SMAD5: variants seen among roughly 807,000 people sequenced by gnomAD.
SMAD5 encodes the protein SMAD family member 5, also known as MAD, mothers against decapentaplegic homolog 5.
SMAD5 carries 9 observed loss-of-function variants against 43.1 expected under a neutral mutation model. The ratio of observed to expected loss-of-function variants is 0.21; its 90% CI spans 0.13 to 0.36. The LOEUF (loss-of-function observed/expected upper bound fraction) is 0.36. Among genes scored for constraint, SMAD5 ranks in the 10% least tolerant of loss-of-function variants. The pLI, the probability that SMAD5 is intolerant of heterozygous loss-of-function variation, is 1.00. For missense variants in SMAD5, 348 were observed against 574.0 expected (o/e 0.61, Z 4.02); for synonymous variants, 190 against 192.4 (o/e 0.99, Z 0.10).
At chr5:136,162,702 A>G (rs1005161780) in intron 4 of SMAD5, among the ~76,000 whole-genome samples, 3 of 152,194 alleles carry the variant, frequency 2.0e-5, no homozygotes, top group Admixed American at 6.5e-5. Flanking sequence ...AAGATTTTCT[A>G]GTTAACATTT....
chr5:136,152,861 T>C (rs1368409491), intron 2 of SMAD5: 5 of 152,116 alleles, frequency 3.3e-5, no homozygotes, highest in Admixed American at 6.6e-5. Flanking sequence ...GAACAGTGGT[T>C]TACCTGGAGC....
intron 5 of SMAD5, among the ~76,000 whole-genome samples, chr5:136,168,288 G>A (rs1754087418): frequency 6.6e-6 from 1 of 152,140 alleles, no homozygotes. Flanking sequence ...ATATTAATGA[G>A]TTTGGCCAGT....
chr5:136,161,630 T>A (rs1753828715), intron 4 of SMAD5, among the ~76,000 whole-genome samples: 1 of 152,220 alleles, frequency 6.6e-6, no homozygotes, highest in Admixed American at 6.5e-5. Context: ...TGAATCCTGG[T>A]TATCTTTAGT....
intron 5 of SMAD5, 105 bp from the exon 6 acceptor site, chr5:136,172,329 A>G (rs74714942): frequency 1.6e-6 from 1 of 636,338 alleles, no homozygotes; most frequent in East Asian, 2.8e-5. Context: ...ATATCTGAAA[A>G]TTTTCTTTTT....
intron 1 of SMAD5, among the ~76,000 whole-genome samples, chr5:136,145,862 A>T (rs533427906): frequency 2.0e-5 from 3 of 152,010 alleles, no homozygotes; most frequent in Non-Finnish European, 2.9e-5. Context: ...GTAGTTCCTC[A>T]TCCTGTTATA....
chr5:136,145,097 G>A (rs1753215596), intron 1 of SMAD5, among the ~76,000 whole-genome samples: 1 of 148,520 alleles, frequency 6.7e-6, no homozygotes, highest in South Asian at 2.1e-4. Context: ...AAAAGCTGCC[G>A]TATTTCTTCT....
At chr5:136,134,855 T>C (rs6596284) in intron 1 of SMAD5, 54,733 of 152,042 alleles carry the variant, frequency 0.36, 10,819 homozygotes, top group African/African-American at 0.54. Context: ...AAAAATACCT[T>C]ATTCATCATT....
In SMAD5 at chr5:136,160,980, T is replaced by C. The variant is rs750737161; in HGVS notation, c.528T>C (p.Ser176=). ...HMPQNATFPD[S]FHQPNNTPFP... ...CACAAAATGCCACGTTTCCAGATTC[T>C]TTCCACCAGCCCAACAACACTCCTT... The change falls in exon 4 of 8, where the codon TCT becomes TCC. Residue 176 remains serine (S), a synonymous_variant. Coordinates refer to ENST00000545279, the MANE Select transcript of SMAD5 (RefSeq NM_005903.7). The C allele has an allele frequency of 3.0e-5, 49 of 1,613,952 alleles. No individual in the cohort carries two copies. Among genetic ancestry groups the C allele is most frequent in the South Asian group, 5.5e-5 (5 of 91,072 alleles).
chr5:136,177,230 C>G, intron 7 of SMAD5, 107 bp from the exon 8 acceptor site: 1 of 901,380 alleles, frequency 1.1e-6, no homozygotes, highest in Non-Finnish European at 1.8e-6. Context: ...TATGTAACTT[C>G]TACATATCTC....
rs1754583801 is a variant in SMAD5 at position 136,180,350 on chromosome 5, AATAT to A, written c.*2873_*2876del. ...ACTAGAATAATCACATAGCATGTAC[AATAT>A]ATTTATGCTGGCTGAAAAGACAGAA... On this transcript the variant is annotated 3_prime_UTR_variant, in exon 8 of 8. Transcript: ENST00000545279. The A allele has an allele frequency of 6.6e-6, 1 of 152,172 alleles. No individual in the cohort carries two copies. Among genetic ancestry groups the A allele is most frequent in the Admixed American group, 6.5e-5 (1 of 15,284 alleles). 9.4% of individuals were successfully genotyped at this position (152,172 alleles called of 1,614,324 possible).
intron 2 of SMAD5, among the ~76,000 whole-genome samples, chr5:136,152,207 C>T (rs775738615): frequency 6.6e-6 from 1 of 152,144 alleles, no homozygotes; most frequent in Non-Finnish European, 1.5e-5. Context: ...AGAACTGTAT[C>T]TGGTACTTTA....
chr5:136,167,490 A>G (rs1327750114), intron 5 of SMAD5, among the ~76,000 whole-genome samples: 1 of 152,154 alleles, frequency 6.6e-6, no homozygotes, highest in African/African-American at 2.4e-5. Context: ...TATTAAAAAA[A>G]TAGTTGGCTG....
Position 136,160,965 on chromosome 5 carries a change from C to T in SMAD5, c.513C>T (p.Ala171=). ...ATGAACCACACATGCCACAAAATGC[C>T]ACGTTTCCAGATTCTTTCCACCAGC... The part of the protein sequence containing the change: ...SHNEPHMPQN[A]TFPDSFHQPN... The change falls in exon 4 of 8, where the codon GCC becomes GCT. Residue 171 remains alanine (A), a synonymous_variant. Coordinates refer to ENST00000545279, the MANE Select transcript of SMAD5 (RefSeq NM_005903.7). 6.2e-7 allele frequency: 1 copy of T among 1,613,848 alleles called. No homozygotes were observed. Among genetic ancestry groups the T allele is most frequent in the Non-Finnish European group, 8.5e-7 (1 of 1,179,866 alleles).
intron 1 of SMAD5, chr5:136,133,788 C>T (rs1005052253): frequency 1.2e-4 from 19 of 154,602 alleles, no homozygotes; most frequent in Non-Finnish European, 5.9e-5. Context: ...TGAAAACTCC[C>T]ATGTGGCGCG....
At position 136,165,045 on chromosome 5, in the gene SMAD5, G is replaced by A. The variant is rs1028086149; in HGVS notation, c.775+1654G>A. Among the ~76,000 whole-genome samples the A allele has an allele frequency of 3.3e-5, 5 of 152,158 alleles. No individual in the cohort carries two copies. The East Asian group carries it at 7.7e-4, about 23-fold the overall frequency. On this transcript the variant is annotated intron_variant, in intron 5 of 7. Coordinates refer to ENST00000545279, the MANE Select transcript of SMAD5 (RefSeq NM_005903.7). ...ATGCCAGGGTTTATTTCAGGACTCT[G>A]TTGGCTTACATATCTATACCTCATA...
At chr5:136,152,270 T>G (rs995791952) in intron 2 of SMAD5, among the ~76,000 whole-genome samples, 1 of 152,164 alleles carries the variant, frequency 6.6e-6, no homozygotes, top group Non-Finnish European at 1.5e-5. Context: ...ACTGTTGAGA[T>G]TAAACCCTAC....
At chr5:136,144,594 G>GAT (rs998499345) in intron 1 of SMAD5, among the ~76,000 whole-genome samples, 4 of 150,518 alleles carry the variant, frequency 2.7e-5, no homozygotes, top group Non-Finnish European at 4.4e-5. Context: ...AATATGTTTA[G>GAT]ATATATATAA....
chr5:136,152,312 T>C (rs1451346018), intron 2 of SMAD5, among the ~76,000 whole-genome samples: 1 of 152,176 alleles, frequency 6.6e-6, no homozygotes, highest in African/African-American at 2.4e-5. Flanking sequence ...AGCCCCATCA[T>C]GGCTATTCAC....
At chr5:136,174,285 A>G (rs1754327991) in intron 6 of SMAD5, 91 bp from the exon 7 acceptor site, 1 of 1,229,890 alleles carries the variant, frequency 8.1e-7, no homozygotes, top group African/African-American at 1.5e-5. Context: ...TTTGCTGTGG[A>G]TTAATGGGTA....
Sources: allele counts gnomAD v4.1 joint callset (sites outside exome capture counted in the v4.1 genomes callset), GRCh38; gene constraint gnomAD v4.1.1; transcripts MANE v1.5; gene names NCBI Gene and HGNC (gene_info 2026-07-23, HGNC 2026-07-21).